DZANK1: variants seen among roughly 807,000 people sequenced by gnomAD.
DZANK1 encodes double zinc ribbon and ankyrin repeat domains 1.
A neutral mutation model predicts 94.5 loss-of-function variants in DZANK1; 91 were observed. The observed-to-expected ratio is 0.96, with a 90% CI of 0.81 to 1.15. The LOEUF is 1.15. Ranked by LOEUF, DZANK1 falls within the 50% of genes most tolerant of loss-of-function variation. The pLI is 0.00. For synonymous variants in DZANK1, 312 were observed against 325.3 expected, an observed-to-expected ratio of 0.96 and a Z score of 0.44; for missense variants, 903 against 916.4, an observed-to-expected ratio of 0.99 and a Z score of 0.19.
intron 6 of DZANK1, 99 bp downstream of exon 6, chr20:18,452,516 T>C (rs368285026): frequency 2.0e-5 from 27 of 1,351,406 alleles, no homozygotes; most frequent in African/African-American, 1.2e-4. Context: ...GCCTGGCACA[T>C]GGTCAAAAGT....
intron 13 of DZANK1, among the ~76,000 whole-genome samples, chr20:18,405,558 C>G (rs984662359): frequency 6.6e-6 from 1 of 152,078 alleles, no homozygotes; most frequent in Non-Finnish European, 1.5e-5. Flanking sequence ...GAGATGATTG[C>G]CAAACCCTTC....
At chr20:18,453,378 C>A (rs901459275) in intron 5 of DZANK1, among the ~76,000 whole-genome samples, 2 of 152,114 alleles carry the variant, frequency 1.3e-5, no homozygotes, top group Non-Finnish European at 2.9e-5. Flanking sequence ...CCCTTCACAC[C>A]CAGACCAGCT....
At chr20:18,433,702 C>T (rs887144955) in exon 9 of DZANK1, 1 of 1,613,930 alleles carries the variant, frequency 6.2e-7, no homozygotes, top group East Asian at 2.2e-5. Context: ...AGAGGGGCCT[C>T]ACACACCACA....
At chr20:18,414,360 G>C (rs879199299) in exon 12 of DZANK1, 1 of 1,613,852 alleles carries the variant, frequency 6.2e-7, no homozygotes, top group Non-Finnish European at 8.5e-7. Flanking sequence ...CAGAAAAAGG[G>C]CGAGGTTCCT....
intron 13 of DZANK1, among the ~76,000 whole-genome samples, chr20:18,401,312 G>A (rs1274910671): frequency 6.6e-6 from 1 of 152,156 alleles, no homozygotes; most frequent in African/African-American, 2.4e-5. Context: ...AAGTCCTTTG[G>A]AAAGGGTCAT....
At chr20:18,443,366 G>T (rs746429945) in exon 8 of DZANK1, 52 of 1,549,958 alleles carry the variant, frequency 3.4e-5, no homozygotes, top group Admixed American at 5.9e-5. Context: ...TTCTGGGGGT[G>T]GGAGACGACA....
intron 16 of DZANK1, 22 bp downstream of exon 16, chr20:18,394,232 T>C (rs1202253242): frequency 3.7e-6 from 6 of 1,605,870 alleles, no homozygotes; most frequent in East Asian, 2.2e-5. Context: ...TGTTTTAAAA[T>C]TGCCAGAAGG....
At chr20:18,426,293 C>A (rs531127677) in intron 10 of DZANK1, among the ~76,000 whole-genome samples, 2 of 152,262 alleles carry the variant, frequency 1.3e-5, no homozygotes, top group South Asian at 4.1e-4. Flanking sequence ...CATCCTGAAT[C>A]CATCCCCCAA....
At chr20:18,443,565 A>G in intron 7 of DZANK1, 101 bp from the exon 8 acceptor site, 1 of 626,100 alleles carries the variant, frequency 1.6e-6, no homozygotes, top group Non-Finnish European at 2.7e-6. Context: ...AACACAAAAC[A>G]AAAGCAGACT....
intron 3 of DZANK1, among the ~76,000 whole-genome samples, chr20:18,456,939 T>C (rs1390081832): frequency 6.6e-6 from 1 of 152,210 alleles, no homozygotes; most frequent in Non-Finnish European, 1.5e-5. Context: ...GTGGAATTGT[T>C]GGGTCATATG....
chr20:18,450,077 C>CAAATAAATAAATAAAT (rs146221883), intron 6 of DZANK1, among the ~76,000 whole-genome samples: 1 of 149,090 alleles, frequency 6.7e-6, no homozygotes, highest in Non-Finnish European at 1.5e-5. Flanking sequence ...AACTCCGTCT[C>CAAATAAATAAATAAAT]AAATAAATAA....
intron 6 of DZANK1, among the ~76,000 whole-genome samples, chr20:18,450,215 T>C (rs893563768): frequency 2.0e-5 from 3 of 152,088 alleles, no homozygotes; most frequent in Non-Finnish European, 2.9e-5. Context: ...CTGCAGGCAA[T>C]AGAGAGCAGT....
intron 9 of DZANK1, among the ~76,000 whole-genome samples, chr20:18,427,489 G>C (rs2424192): frequency 0.11 from 17,264 of 152,016 alleles, 1,116 homozygotes; most frequent in Admixed American, 0.18. Flanking sequence ...TGCCCAGCCT[G>C]AATGTAGTTT....
chr20:18,434,984 T>C (rs1232819806), intron 8 of DZANK1, among the ~76,000 whole-genome samples: 1 of 152,192 alleles, frequency 6.6e-6, no homozygotes, highest in Non-Finnish European at 1.5e-5. Context: ...AGGGGCTTGA[T>C]AGCTCTCCAC....
chr20:18,394,959 T>C (rs2056253832), intron 15 of DZANK1: 2 of 446,578 alleles, frequency 4.5e-6, no homozygotes, highest in Non-Finnish European at 9.0e-6. Context: ...CAGAAGTCTG[T>C]GTGCACCCGG....
chr20:18,444,091 C>T (rs1197295667), intron 7 of DZANK1, among the ~76,000 whole-genome samples: 3 of 152,212 alleles, frequency 2.0e-5, no homozygotes, highest in Middle Eastern at 3.2e-3. Flanking sequence ...ACTGCCATGC[C>T]TTTCCAGACA....
rs564028386 is a variant in DZANK1, at chr20:18,460,659, G to A, written c.110-353C>T. 6.6e-5 allele frequency among the ~76,000 whole-genome samples: 10 copies of A among 152,026 alleles called. No individual in the cohort carries two copies. In the South Asian group the frequency reaches 2.1e-3, roughly 32 times the overall value. On this transcript the variant is annotated intron_variant, in intron 2 of 20. Transcript: ENST00000262547. Reference sequence around the variant, plus strand: ...CAGGAAAATTGCCAGAAACCGGGACGCAGAACTTGCAGTGAGCTGAGATTG... The same window carrying A: ...CAGGAAAATTGCCAGAAACCGGGACACAGAACTTGCAGTGAGCTGAGATTG...
chr20:18,392,414 G>A (rs2056058068), intron 17 of DZANK1, among the ~76,000 whole-genome samples: 1 of 152,234 alleles, frequency 6.6e-6, no homozygotes, highest in Non-Finnish European at 1.5e-5. Flanking sequence ...GAATCAGGAG[G>A]CAAGCTGGGC....
intron 10 of DZANK1, 117 bp downstream of exon 10, chr20:18,426,950 T>G: frequency 1.8e-6 from 1 of 559,430 alleles, no homozygotes; most frequent in Non-Finnish European, 2.9e-6. Flanking sequence ...CAGTTTACCA[T>G]GAGAAGCTTT....
Sources: gnomAD v4.1 joint callset for allele counts (sites outside exome capture counted in the v4.1 genomes callset) on GRCh38, gnomAD v4.1.1 for gene constraint, MANE v1.5 for transcripts, NCBI Gene and HGNC (gene_info 2026-07-23, HGNC 2026-07-21) for gene names.